LHFPL6: variants seen among roughly 807,000 people sequenced by gnomAD.
The protein encoded by LHFPL6 is LHFPL tetraspan subfamily member 6 protein.
LHFPL6 carries 9 observed loss-of-function variants against 20.6 expected under a neutral mutation model. The ratio of observed to expected loss-of-function variants is 0.44; its 90% confidence interval spans 0.26 to 0.76. The LOEUF (loss-of-function observed/expected upper bound fraction) is 0.76, where lower values mean the gene tolerates loss of function less well. LHFPL6 is among the 30% of genes least tolerant of loss of function. LHFPL6 has a pLI of 0.20. For missense variants in LHFPL6, 218 were observed against 253.5 expected (o/e 0.86, Z 0.95); for synonymous variants, 105 against 98.7 (o/e 1.06, Z -0.38).
At chr13:39,355,196 T>G (rs2138340366) in intron 3 of LHFPL6, among the ~76,000 whole-genome samples, 1 of 151,922 alleles carries the variant, frequency 6.6e-6, no homozygotes, top group Non-Finnish European at 1.5e-5. Flanking sequence ...AGCAGATTTC[T>G]TAGCAGAAAA....
intron 2 of LHFPL6, among the ~76,000 whole-genome samples, chr13:39,453,713 T>G (rs1872505323): frequency 6.6e-6 from 1 of 152,200 alleles, no homozygotes; most frequent in Non-Finnish European, 1.5e-5. Context: ...TCCCTTGCCT[T>G]CCCTGGGCAG....
intron 2 of LHFPL6, among the ~76,000 whole-genome samples, chr13:39,429,034 T>A (rs1871720120): frequency 6.6e-6 from 1 of 152,176 alleles, no homozygotes; most frequent in Non-Finnish European, 1.5e-5. Flanking sequence ...CAACATGACT[T>A]GAATCTTCTA....
At chr13:39,433,311 A>G (rs1871866574) in intron 2 of LHFPL6, among the ~76,000 whole-genome samples, 1 of 152,370 alleles carries the variant, frequency 6.6e-6, no homozygotes, top group South Asian at 2.1e-4. Context: ...AAAACAAAAG[A>G]AATTCTAACA....
chr13:39,419,694 T>A (rs772434313), intron 2 of LHFPL6, among the ~76,000 whole-genome samples: 49 of 152,296 alleles, frequency 3.2e-4, no homozygotes, highest in African/African-American at 8.7e-4. Flanking sequence ...GAAATTTTTT[T>A]AAAAAATTTA....
intron 2 of LHFPL6, among the ~76,000 whole-genome samples, chr13:39,562,963 T>C (rs1410825766): frequency 2.0e-5 from 3 of 151,888 alleles, no homozygotes; most frequent in Non-Finnish European, 4.4e-5. Flanking sequence ...TAGAGGGTAT[T>C]CAAAGAAAAA....
intron 2 of LHFPL6, among the ~76,000 whole-genome samples, chr13:39,521,265 G>T (rs555169881): frequency 6.6e-6 from 1 of 151,976 alleles, no homozygotes; most frequent in African/African-American, 2.4e-5. Context: ...AAACTACCTC[G>T]CTATCCAGGG....
intron 2 of LHFPL6, among the ~76,000 whole-genome samples, chr13:39,489,745 G>A (rs1007331773): frequency 2.0e-5 from 3 of 152,094 alleles, no homozygotes; most frequent in Admixed American, 6.5e-5. Flanking sequence ...TAGAGACGAC[G>A]TGTTTCACTA....
intron 2 of LHFPL6, among the ~76,000 whole-genome samples, chr13:39,478,730 T>C (rs1398941135): frequency 6.9e-6 from 1 of 145,446 alleles, no homozygotes; most frequent in Non-Finnish European, 1.5e-5. Context: ...CCCTCTTGCT[T>C]TTGGTCTATT....
chr13:39,435,037 T>C (rs1593311844), intron 2 of LHFPL6, among the ~76,000 whole-genome samples: 1 of 110,974 alleles, frequency 9.0e-6, no homozygotes, highest in African/African-American at 3.5e-5. Context: ...CAGTCCGACC[T>C]GGGCGACAGA....
chr13:39,467,505 A>T (rs1872834943), intron 2 of LHFPL6, among the ~76,000 whole-genome samples: 1 of 152,018 alleles, frequency 6.6e-6, no homozygotes, highest in South Asian at 2.1e-4. Flanking sequence ...TCTCTAACCA[A>T]CCCTGCTCCT....
At chr13:39,569,687 T>C (rs1871852098) in intron 2 of LHFPL6, among the ~76,000 whole-genome samples, 1 of 152,180 alleles carries the variant, frequency 6.6e-6, no homozygotes, top group East Asian at 1.9e-4. Context: ...ATGATCAAAA[T>C]GGAAAAGTCA....
intron 3 of LHFPL6, among the ~76,000 whole-genome samples, chr13:39,346,486 A>G (rs1455387935): frequency 6.6e-6 from 1 of 152,220 alleles, no homozygotes; most frequent in Non-Finnish European, 1.5e-5. Flanking sequence ...GTATATGAGT[A>G]TCATTCTCAT....
chr13:39,445,543 C>T (rs576588509), intron 2 of LHFPL6, among the ~76,000 whole-genome samples: 52 of 152,296 alleles, frequency 3.4e-4, no homozygotes, highest in African/African-American at 9.6e-4. Context: ...GTAAAGTACT[C>T]TGGAATCCCT....
chr13:39,472,043 T>C (rs1324747049), intron 2 of LHFPL6, among the ~76,000 whole-genome samples: 1 of 152,210 alleles, frequency 6.6e-6, no homozygotes, highest in East Asian at 1.9e-4. Flanking sequence ...ATTCCCAAAA[T>C]TACACAGGAA....
At chr13:39,577,673 C>T (rs950406446) in intron 2 of LHFPL6, among the ~76,000 whole-genome samples, 1 of 152,068 alleles carries the variant, frequency 6.6e-6, no homozygotes, top group Non-Finnish European at 1.5e-5. Flanking sequence ...ACTCTGTCGC[C>T]CACGCTAGAA....
In LHFPL6 at chr13:39,528,676, T is replaced by C. The variant is rs548584182; in HGVS notation, c.385+72156A>G. Among the ~76,000 whole-genome samples the C allele has an allele frequency of 2.0e-5, 3 of 152,298 alleles. No individual in the cohort carries two copies. The South Asian group carries it at 6.2e-4, about 32-fold the overall frequency. On this transcript the variant is annotated intron_variant, in intron 2 of 3. Transcript: ENST00000379589. The stretch of plus-strand genomic sequence containing the variant: ...AGGCAAGATAAAACATAGTGGAAAA[T>C]AGAATTTATGAGTTGCTTCCCGCAC...
chr13:39,502,450 C>T (rs909057047), intron 2 of LHFPL6, among the ~76,000 whole-genome samples: 6 of 109,774 alleles, frequency 5.5e-5, no homozygotes, highest in Non-Finnish European at 1.1e-4. Context: ...GAGACTCCGT[C>T]TCTACAAAAA....
At chr13:39,423,653 T>C (rs1364689158) in intron 2 of LHFPL6, among the ~76,000 whole-genome samples, 1 of 151,862 alleles carries the variant, frequency 6.6e-6, no homozygotes, top group East Asian at 1.9e-4. Flanking sequence ...TCATGTGAGG[T>C]GAGGAAAAGT....
chr13:39,356,338 C>T (rs932381955), intron 3 of LHFPL6, among the ~76,000 whole-genome samples: 9 of 152,032 alleles, frequency 5.9e-5, no homozygotes, highest in African/African-American at 1.9e-4. Context: ...AACAGAGACA[C>T]AACATAACAA....
Sources: gnomAD v4.1 joint callset for allele counts (sites outside exome capture counted in the v4.1 genomes callset) on GRCh38, gnomAD v4.1.1 for gene constraint, MANE v1.5 for transcripts, NCBI Gene and HGNC (gene_info 2026-07-23, HGNC 2026-07-21) for gene names.